Variants in KDM4C observed in about 807,000 individuals in gnomAD.
KDM4C encodes the protein lysine-specific demethylase 4C.
Under a neutral mutation model 129.3 loss-of-function variants are expected in KDM4C, and 81 were observed. The observed-to-expected ratio is 0.63, with a 90% CI of 0.52 to 0.75. KDM4C has a LOEUF of 0.75. Ranked by LOEUF, KDM4C falls within the 30% of genes least tolerant of loss-of-function variation. KDM4C has a pLI of 0.00. For missense variants in KDM4C, 1,457 were observed against 1,304.0 expected (o/e 1.12, Z -1.81); for synonymous variants, 573 against 456.1 (o/e 1.26, Z -3.26).
chr9:7,109,384 C>T (rs539475875), intron 18 of KDM4C, among the ~76,000 whole-genome samples: 1 of 151,960 alleles, frequency 6.6e-6, no homozygotes, highest in South Asian at 2.1e-4. Flanking sequence ...GGGACCTGAA[C>T]AATATCTCTC....
chr9:6,922,330 A>G (rs574427577), intron 8 of KDM4C, among the ~76,000 whole-genome samples: 7 of 152,310 alleles, frequency 4.6e-5, no homozygotes, highest in African/African-American at 1.7e-4. Flanking sequence ...TATCATGGTT[A>G]TAGTCATAAG....
intron 8 of KDM4C, among the ~76,000 whole-genome samples, chr9:6,952,974 C>T (rs1007916296): frequency 6.6e-6 from 1 of 152,044 alleles, no homozygotes; most frequent in Non-Finnish European, 1.5e-5. Context: ...CTGGTACTTG[C>T]ATTTTTATGT....
intron 8 of KDM4C, among the ~76,000 whole-genome samples, chr9:6,926,785 T>C (rs1822645644): frequency 6.6e-6 from 1 of 152,230 alleles, no homozygotes; most frequent in Non-Finnish European, 1.5e-5. Flanking sequence ...GATGTTTTCA[T>C]TGATCTGTGA....
At chr9:6,990,642 A>C (rs1818580383) in intron 12 of KDM4C, 118 bp downstream of exon 12, 1 of 640,466 alleles carries the variant, frequency 1.6e-6, no homozygotes, top group African/African-American at 1.9e-5. Flanking sequence ...ACGTACTATT[A>C]GGAGATCATA....
chr9:6,835,749 G>A (rs762210771), intron 4 of KDM4C, among the ~76,000 whole-genome samples: 2 of 152,146 alleles, frequency 1.3e-5, no homozygotes, highest in Non-Finnish European at 2.9e-5. Context: ...GACAGCAGTC[G>A]GTTGGAGTGA....
chr9:7,042,113 T>C (rs1828702426), intron 15 of KDM4C, among the ~76,000 whole-genome samples: 1 of 152,096 alleles, frequency 6.6e-6, no homozygotes, highest in Non-Finnish European at 1.5e-5. Context: ...CCTTTCGTAT[T>C]TAGTATGTGC....
chr9:7,041,167 G>A (rs1374885702), intron 15 of KDM4C, among the ~76,000 whole-genome samples: 1 of 151,766 alleles, frequency 6.6e-6, no homozygotes, highest in Non-Finnish European at 1.5e-5. Flanking sequence ...GCCTATAATG[G>A]TTGTGTCTGT....
Position 7,157,183 on chromosome 9 carries a change from T to C in KDM4C, c.2782-8055T>C, listed in dbSNP as rs9696176. ...TGTTCTTGGTGTATAGGAATGCTTG[T>C]GATTTTTGCACATTGATTTTGTATC... On this transcript the variant is annotated intron_variant, in intron 19 of 21. Transcript: ENST00000381309. Among the ~76,000 whole-genome samples the C allele has an allele frequency of 8.4e-3, 1,283 of 152,314 alleles. 15 individuals are homozygous for C. The highest frequency in any genetic ancestry group is 0.029 in the African/African-American group (1,221 of 41,552).
intron 10 of KDM4C, 53 bp downstream of exon 10, chr9:6,984,457 C>A: frequency 2.6e-6 from 3 of 1,168,708 alleles, no homozygotes; most frequent in Non-Finnish European, 3.8e-6. Flanking sequence ...GGTTGATGAT[C>A]AGATGTCTTA....
chr9:6,965,303 A>T (rs1408640473), intron 8 of KDM4C, among the ~76,000 whole-genome samples: 1 of 151,416 alleles, frequency 6.6e-6, no homozygotes, highest in South Asian at 2.1e-4. Context: ...ATATATATAT[A>T]TATTTGGATA....
chr9:7,157,606 G>C (rs1790903831), intron 19 of KDM4C, among the ~76,000 whole-genome samples: 1 of 152,218 alleles, frequency 6.6e-6, no homozygotes, highest in South Asian at 2.1e-4. Flanking sequence ...CATCTATTGA[G>C]ATAATCGTGT....
chr9:7,037,988 G>C (rs762662936), intron 15 of KDM4C, among the ~76,000 whole-genome samples: 2 of 151,962 alleles, frequency 1.3e-5, no homozygotes, highest in Non-Finnish European at 2.9e-5. Context: ...AGCACAGACT[G>C]TTTGATTTTA....
intron 1 of KDM4C, among the ~76,000 whole-genome samples, chr9:6,772,859 C>T (rs1822178982): frequency 1.4e-5 from 2 of 140,546 alleles, no homozygotes; most frequent in South Asian, 4.7e-4. Flanking sequence ...CCATGCCTGG[C>T]CAATTTTTGT....
intron 17 of KDM4C, among the ~76,000 whole-genome samples, chr9:7,087,597 G>A (rs1405759454): frequency 6.6e-6 from 1 of 152,252 alleles, no homozygotes; most frequent in Non-Finnish European, 1.5e-5. Flanking sequence ...ATGGTACAGT[G>A]ATAACTAAAA....
rs1433983024 is a variant in KDM4C, at chr9:6,728,109, T to A, written c.49+7112T>A. On this transcript the variant is annotated intron_variant, in intron 1 of 17. Coordinates refer to the KDM4C transcript ENST00000536108. ...AAAAAAAAAAAGTGTTATACACTTG[T>A]AATTTTATGAATGCTATGGGAACCA... is the stretch of plus-strand genomic sequence containing the variant. 2.0e-5 allele frequency among the ~76,000 whole-genome samples: 3 copies of A among 150,146 alleles called. No homozygotes were observed. In the Admixed American group the frequency reaches 2.0e-4, roughly 10 times the overall value.
intron 17 of KDM4C, among the ~76,000 whole-genome samples, chr9:7,092,395 G>A (rs574890233): frequency 9.2e-5 from 14 of 152,206 alleles, no homozygotes; most frequent in East Asian, 1.9e-4. Context: ...ATCATGAACC[G>A]CAAGTGTTAC....
chr9:7,097,778 A>G (rs1196307519), intron 17 of KDM4C, among the ~76,000 whole-genome samples: 2 of 152,262 alleles, frequency 1.3e-5, no homozygotes, highest in African/African-American at 4.8e-5. Context: ...TACCAAATTA[A>G]GTTCCTTAAA....
At chr9:7,111,705 G>A (rs959108832) in intron 18 of KDM4C, among the ~76,000 whole-genome samples, 1 of 152,128 alleles carries the variant, frequency 6.6e-6, no homozygotes, top group African/African-American at 2.4e-5. Flanking sequence ...TCAGGTTTAC[G>A]GGGGAGTCAG....
At chr9:6,845,257 A>T (rs562904401) in intron 4 of KDM4C, among the ~76,000 whole-genome samples, 1 of 152,310 alleles carries the variant, frequency 6.6e-6, no homozygotes, top group South Asian at 2.1e-4. Flanking sequence ...TCTGTCATGC[A>T]GGCAGGAGTG....
Sources: allele counts gnomAD v4.1 joint callset (sites outside exome capture counted in the v4.1 genomes callset), GRCh38; gene constraint gnomAD v4.1.1; transcripts MANE v1.5; gene names NCBI Gene and HGNC (gene_info 2026-07-23, HGNC 2026-07-21).